The following CD93 variants were observed in gnomAD, a reference collection of about 807,000 sequenced individuals.
CD93 encodes the protein complement component C1q receptor.
CD93 carries 44 observed loss-of-function variants against 45.5 expected under a neutral mutation model. That is an observed-to-expected ratio of 0.97 (90% CI 0.76 to 1.24). The LOEUF (loss-of-function observed/expected upper bound fraction) is 1.24, where lower values mean the gene tolerates loss of function less well. CD93 is among the 50% of genes most tolerant of loss of function. The pLI is 0.00. For synonymous variants in CD93, 431 were observed against 370.8 expected (o/e 1.16, Z -1.87); for missense variants, 918 against 844.5 (o/e 1.09, Z -1.08).
rs369045198 is a variant in CD93, at chr20:23,084,938, C to A, written c.1255G>T (p.Gly419Trp). Residue 419 changes from glycine to tryptophan, a missense_variant, in exon 1 of 2, where the codon GGG becomes TGG. By Grantham distance (184) the Gly-to-Trp change is radical. Transcript: ENST00000246006. ...CSCEEGYVLAGEDGTQCQDVD... is the reference protein window; with the variant it reads ...CSCEEGYVLAWEDGTQCQDVD... ...TCCTGGCACTGAGTCCCGTCCTCCC[C>A]GGCCAGGACGTAGCCCTCCTCACAG... is the stretch of plus-strand genomic sequence containing the variant. The A allele has an allele frequency of 1.9e-6, 3 of 1,613,432 alleles. No homozygotes were observed. The highest frequency in any genetic ancestry group is 2.5e-6 in the Non-Finnish European group (3 of 1,179,972).
rs530468069 is a variant in CD93 at position 23,083,716 on chromosome 20, A to G, written c.*234T>C. 7 of 592,438 alleles carry G rather than the reference A, an allele frequency of 1.2e-5. No homozygotes were observed. Among genetic ancestry groups the G allele is most frequent in the African/African-American group, 1.9e-5 (1 of 53,798 alleles). 36.7% of individuals were successfully genotyped at this position (592,438 alleles called of 1,614,324 possible). A position where few individuals can be genotyped will look rare whatever the true frequency, so the allele number is the denominator to read the frequency against. ...GGAGGGGGAGTAACAATCATTATAGAGTCACGAAATCCCCACCGTGGCACG... is the reference window on the plus strand; with the variant it reads ...GGAGGGGGAGTAACAATCATTATAGGGTCACGAAATCCCCACCGTGGCACG... On this transcript the variant is annotated 3_prime_UTR_variant, in exon 2 of 2. Transcript: ENST00000246006.
Position 23,085,195 on chromosome 20 carries a change from C to T in CD93, c.998G>A (p.Gly333Glu), listed in dbSNP as rs139232560. ...CAGCTGACTCGAGTCCAGCTGGTAC[C>T]CTTGGGGGCAGCGGCACGTGTAGTT... Reference protein sequence around the residue: ...GKNYTCRCPQGYQLDSSQLDC... With the variant: ...GKNYTCRCPQEYQLDSSQLDC... The change falls in exon 1 of 2, where the codon GGG (glycine) becomes GAG (glutamate). Residue 333 changes from glycine (G) to glutamate (E), a missense_variant. Physicochemically the swap from Gly to Glu is moderately conservative, Grantham distance 98. Coordinates refer to ENST00000246006, the MANE Select transcript of CD93 (RefSeq NM_012072.4). 9.4e-6 allele frequency: 15 copies of T among 1,593,608 alleles called. No homozygotes were observed. Among genetic ancestry groups the T allele is most frequent in the African/African-American group, 9.4e-5 (7 of 74,680 alleles).
In CD93 at chr20:23,085,774, C is replaced by A; in HGVS notation, c.419G>T (p.Arg140Leu). 6.2e-7 allele frequency: 1 copy of A among 1,610,934 alleles called. No individual in the cohort carries two copies. The highest frequency in any genetic ancestry group is 8.5e-7 in the Non-Finnish European group (1 of 1,179,942). Residue 140 changes from arginine (R) to leucine (L), a missense_variant, in exon 1 of 2, where the codon CGC becomes CTC. Transcript: ENST00000246006. ...KELRNSCISK[R>L]CVSLLLDLSQ... ...CAGGTCCAGCAGCAGAGACACACAG[C>A]GCTTGGAGATGCACGAGTTCCGGAG...
Position 23,084,319 on chromosome 20 carries a change from G to A in CD93, c.1874C>T (p.Ala625Val). ...CTCTGGAACCCAGGAGTAACTGTCT[G>A]CCGCATTCTGGGGCTTCTTCTCCTT... ...EKKEKKPQNA[A>V]DSYSWVPERA... The change falls in exon 1 of 2, where the codon GCA becomes GTA. Residue 625 changes from alanine (A) to valine (V), a missense_variant. Transcript: ENST00000246006. The A allele has an allele frequency of 6.2e-7, 1 of 1,614,178 alleles. No homozygotes were observed. Among genetic ancestry groups the A allele is most frequent in the South Asian group, 1.1e-5 (1 of 91,084 alleles).
At position 23,083,954 on chromosome 20, in the gene CD93, C is replaced by T. The variant is rs777274313; in HGVS notation, c.1955G>A (p.Cys652Tyr). Reference protein sequence around the residue: ...NQYSPTPGTDC With the variant: ...NQYSPTPGTDY ...GTCTCTAGGGCCACCTCACTTTCAG[C>T]AGTCTGTCCCAGGTGTCGGACTATG... The change falls in exon 2 of 2, where the codon TGC (cysteine) becomes TAC (tyrosine). Residue 652 changes from cysteine to tyrosine, a missense_variant. Transcript: ENST00000246006. 6.8e-6 allele frequency: 11 copies of T among 1,614,008 alleles called. No individual in the cohort carries two copies. The African/African-American group carries it at 1.5e-4, about 22-fold the overall frequency.
rs1568679036 is a variant in CD93 at position 23,085,838 on chromosome 20, C to CG, written c.354dup (p.Gly119ArgfsTer9). Reference sequence around the variant, plus strand: ...TTAGAGTAAGGCGTGTCCTCCCCCCCGCCCACCCAGCTGAAGCCCTTCAGC... The same window carrying CG: ...TTAGAGTAAGGCGTGTCCTCCCCCCCGGCCCACCCAGCTGAAGCCCTTCAGC... On this transcript the variant is annotated frameshift_variant, in exon 1 of 2. Transcript: ENST00000246006. LOFTEE classifies it high-confidence loss of function. The CG allele has an allele frequency of 6.3e-7, 1 of 1,589,194 alleles. No homozygotes were observed. Among genetic ancestry groups the CG allele is most frequent in the Non-Finnish European group, 8.6e-7 (1 of 1,167,318 alleles).
chr20:23,084,256 T>C lies in CD93; in HGVS notation c.1934+3A>G. On this transcript the variant is annotated splice_donor_region_variant and intron_variant, in intron 1 of 1. Coordinates refer to ENST00000246006, the MANE Select transcript of CD93 (RefSeq NM_012072.4). ...TCCCCCGGTCACTCAGGGCCCCCTT[T>C]ACCTGTACTGGTTCTCCATGGCCCT... 1 of 1,613,428 alleles carries C rather than the reference T, an allele frequency of 6.2e-7. No homozygotes were observed. Among genetic ancestry groups the C allele is most frequent in the Non-Finnish European group, 8.5e-7 (1 of 1,179,858 alleles).
Position 23,084,954 on chromosome 20 carries a change from C to G in CD93, c.1239G>C (p.Glu413Asp). 1 of 1,613,734 alleles carries G rather than the reference C, an allele frequency of 6.2e-7. No homozygotes were observed. ...TDGSFHCSCE[E>D]GYVLAGEDGT... ...CGTCCTCCCCGGCCAGGACGTAGCCCTCCTCACAGGAGCAGTGAAATGAGC... is the reference window on the plus strand; with the variant it reads ...CGTCCTCCCCGGCCAGGACGTAGCCGTCCTCACAGGAGCAGTGAAATGAGC... The change falls in exon 1 of 2, where the codon GAG becomes GAC. Residue 413 changes from glutamate to aspartate, a missense_variant. Physicochemically the swap from Glu to Asp is conservative, Grantham distance 45. Coordinates refer to ENST00000246006, the MANE Select transcript of CD93 (RefSeq NM_012072.4).
intron 1 of CD93, 124 bp from the exon 2 acceptor site, chr20:23,084,098 G>A (rs968293276): frequency 7.2e-5 from 103 of 1,425,430 alleles, no homozygotes; most frequent in Non-Finnish European, 9.6e-5. Context: ...AAGGGGGCCC[G>A]AGTGCCTGGC....
At position 23,084,852 on chromosome 20, in the gene CD93, T is replaced by C. The variant is rs1042277291; in HGVS notation, c.1341A>G (p.Gln447=). 1 of 1,613,332 alleles carries C rather than the reference T, an allele frequency of 6.2e-7. No individual in the cohort carries two copies. Among genetic ancestry groups the C allele is most frequent in the Non-Finnish European group, 8.5e-7 (1 of 1,179,962 alleles). ...GCAGGCAGCCACAGTGGAAGGACCC[T>C]TGTGTGTTGAAGCACAAGCTGTCGC... ...PLCDSLCFNT[Q]GSFHCGCLPG... The change falls in exon 1 of 2, where the codon CAA becomes CAG. Residue 447 remains glutamine, a synonymous_variant. Coordinates refer to ENST00000246006, the MANE Select transcript of CD93 (RefSeq NM_012072.4).
At position 23,084,882 on chromosome 20, in the gene CD93, G is replaced by A; in HGVS notation, c.1311C>T (p.Pro437=). The A allele has an allele frequency of 6.2e-7, 1 of 1,613,072 alleles. No individual in the cohort carries two copies. Among genetic ancestry groups the A allele is most frequent in the Non-Finnish European group, 8.5e-7 (1 of 1,179,854 alleles). Residue 437 remains proline, a synonymous_variant, in exon 1 of 2, where the codon CCC becomes CCT. Coordinates refer to ENST00000246006, the MANE Select transcript of CD93 (RefSeq NM_012072.4). ...TGTTGAAGCACAAGCTGTCGCAGAG[G>A]GGGCCCCCCGGGCCCACACACTCAT... ...DVDECVGPGG[P]LCDSLCFNTQ... is the part of the protein sequence containing the mutation.
chr20:23,085,457 C>T lies in CD93; in HGVS notation c.736G>A (p.Asp246Asn), dbSNP rs200119403. Residue 246 changes from aspartate (D) to asparagine (N), a missense_variant, in exon 1 of 2, where the codon GAT (aspartate) becomes AAT (asparagine). Coordinates refer to ENST00000246006, the MANE Select transcript of CD93 (RefSeq NM_012072.4). ...HYFLCKEKAP[D>N]VFDWGSSGPL... is the part of the protein sequence containing the mutation. ...CCCGAGCTGCCCCAGTCGAACACAT[C>T]GGGGGCCTTCTCCTTGCACAGGAAA... The T allele has an allele frequency of 1.5e-4, 243 of 1,613,902 alleles. 1 individual carries two copies. In the South Asian group the frequency reaches 2.2e-3, roughly 15 times the overall value.
At position 23,084,476 on chromosome 20, in the gene CD93, T is replaced by G. The variant is rs755215745; in HGVS notation, c.1717A>C (p.Asn573His). The G allele has an allele frequency of 6.2e-7, 1 of 1,614,016 alleles. No individual in the cohort carries two copies. ...AGCTTTTGCCCGTCAGTGCCATCGT[T>G]GTTTTGTGTGGCCACGGAGGAGTCC... ...GGDSSVATQN[N>H]DGTDGQKLLL... Residue 573 changes from asparagine (N) to histidine (H), a missense_variant, in exon 1 of 2, where the codon AAC becomes CAC. Coordinates refer to ENST00000246006, the MANE Select transcript of CD93 (RefSeq NM_012072.4).
Position 23,085,416 on chromosome 20 carries a change from G to C in CD93, c.777C>G (p.Ser259Arg). ...DWGSSGPLCV[S>R]PKYGCNFNNG... The stretch of plus-strand genomic sequence containing the variant: ...TGTTGAAGTTGCAGCCATACTTGGG[G>C]CTGACACAGAGGGGGCCCGAGCTGC... Residue 259 changes from serine (S) to arginine (R), a missense_variant, in exon 1 of 2, where the codon AGC becomes AGG. Ser to Arg is a moderately radical substitution (Grantham distance 110). Transcript: ENST00000246006. 1 of 1,613,898 alleles carries C rather than the reference G, an allele frequency of 6.2e-7. No individual in the cohort carries two copies. The highest frequency in any genetic ancestry group is 1.1e-5 in the South Asian group (1 of 91,086).
In CD93 at chr20:23,084,912, G is replaced by A. The variant is rs539615668; in HGVS notation, c.1281C>T (p.Asp427=). The change falls in exon 1 of 2, where the codon GAC becomes GAT. Residue 427 remains aspartate (D), a synonymous_variant. Coordinates refer to ENST00000246006, the MANE Select transcript of CD93 (RefSeq NM_012072.4). ...CCCCCGGGCCCACACACTCATCCAC[G>A]TCCTGGCACTGAGTCCCGTCCTCCC... The part of the protein sequence containing the change: ...LAGEDGTQCQ[D]VDECVGPGGP... 69 of 1,613,266 alleles carry A rather than the reference G, an allele frequency of 4.3e-5. No individual in the cohort carries two copies. The highest frequency in any genetic ancestry group is 2.4e-4 in the African/African-American group (18 of 75,018).
chr20:23,083,757 C>T lies in CD93; in HGVS notation c.*193G>A. 1 of 629,602 alleles carries T rather than the reference C, an allele frequency of 1.6e-6. No homozygotes were observed. Among genetic ancestry groups the T allele is most frequent in the South Asian group, 1.9e-5 (1 of 52,708 alleles). The allele number at this position is 629,602 out of a possible 1,614,324, so 39.0% of individuals were successfully genotyped here. Reference sequence around the variant, plus strand: ...CCGTGGCACGCCAACACACAGCTTCCACTTCAGGAACATCAAACACCCGTA... The same window carrying T: ...CCGTGGCACGCCAACACACAGCTTCTACTTCAGGAACATCAAACACCCGTA... On this transcript the variant is annotated 3_prime_UTR_variant, in exon 2 of 2. Transcript: ENST00000246006.
At position 23,085,722 on chromosome 20, in the gene CD93, G is replaced by A. The variant is rs748214330; in HGVS notation, c.471C>T (p.Leu157=). Residue 157 remains leucine (L), a synonymous_variant, in exon 1 of 2, where the codon CTC becomes CTT. Transcript: ENST00000246006. ...DLSQPLLPSR[L]PKWSEGPCGS... ...CACAGGGGCCCTCAGACCACTTGGG[G>A]AGGCGGCTGGGAAGGAGCGGCTGGG... is the stretch of plus-strand genomic sequence containing the variant. 4 of 1,611,458 alleles carry A rather than the reference G, an allele frequency of 2.5e-6. No individual in the cohort carries two copies. The highest frequency in any genetic ancestry group is 2.5e-6 in the Non-Finnish European group (3 of 1,179,940).
In CD93 at chr20:23,085,123, T is replaced by C; in HGVS notation, c.1070A>G (p.Glu357Gly). ...GAAGCCCCCAGGGGTGTTGACACAC[T>C]CCTGGGCACAGGGGGAGTCCTGGCA... ...DECQDSPCAQ[E>G]CVNTPGGFRC... is the part of the protein sequence containing the mutation. The change falls in exon 1 of 2, where the codon GAG becomes GGG. Residue 357 changes from glutamate to glycine, a missense_variant. Glu to Gly is a moderately conservative substitution (Grantham distance 98, BLOSUM62 -2). Coordinates refer to ENST00000246006, the MANE Select transcript of CD93 (RefSeq NM_012072.4). 1 of 1,590,508 alleles carries C rather than the reference T, an allele frequency of 6.3e-7. No homozygotes were observed. The highest frequency in any genetic ancestry group is 1.7e-5 in the Admixed American group (1 of 58,390).
rs940304351 is a variant in CD93, at chr20:23,083,611, G to C, written c.*339C>G. 5.3e-6 allele frequency: 2 copies of C among 374,980 alleles called. No homozygotes were observed. Among genetic ancestry groups the C allele is most frequent in the African/African-American group, 4.1e-5 (2 of 49,280 alleles). The allele number at this position is 374,980 out of a possible 1,614,324, so 23.2% of individuals were successfully genotyped here. On this transcript the variant is annotated 3_prime_UTR_variant, in exon 2 of 2. Transcript: ENST00000246006. ...TCCTCTTAGATGGTGGAAGTGAGCAGAGAAGATATTCAGGGGAGCCCCTTA... is the reference window on the plus strand; with the variant it reads ...TCCTCTTAGATGGTGGAAGTGAGCACAGAAGATATTCAGGGGAGCCCCTTA...
Sources: gnomAD v4.1 joint callset for allele counts on GRCh38, gnomAD v4.1.1 for gene constraint, MANE v1.5 for transcripts, NCBI Gene and HGNC (gene_info 2026-07-23, HGNC 2026-07-21) for gene names.